AGBL3: variants seen among roughly 807,000 people sequenced by gnomAD.
The protein encoded by AGBL3 is cytosolic carboxypeptidase 3.
In AGBL3, 68 loss-of-function variants were observed where a neutral mutation model predicts 94.5. The observed-to-expected ratio is 0.72, with a 90% confidence interval of 0.59 to 0.88. The LOEUF (loss-of-function observed/expected upper bound fraction) is 0.88. Ranked by LOEUF, AGBL3 falls within the 40% of genes least tolerant of loss-of-function variation. The probability of loss-of-function intolerance (pLI) is 0.00; values close to 1 mark genes in which losing one functional copy is unlikely to be tolerated. For missense variants in AGBL3, 934 were observed against 1,103.8 expected (o/e 0.85, Z 2.18); for synonymous variants, 354 against 370.7 (o/e 0.95, Z 0.52).
chr7:135,065,358 C>T lies in AGBL3; in HGVS notation c.1908+6123C>T, dbSNP rs539807406. On this transcript the variant is annotated intron_variant, in intron 12 of 16. Transcript: ENST00000436302. ...AAATTTGTATAGAACCACAAAAGAG[C>T]CTGAATAGCTAAAGCAAACTTGAGC... Among the ~76,000 whole-genome samples, 4 of 152,212 alleles carry T rather than the reference C, an allele frequency of 2.6e-5. No homozygotes were observed. The East Asian group carries it at 7.7e-4, about 29-fold the overall frequency.
chr7:135,130,125 T>G (rs1562906828), intron 16 of AGBL3, among the ~76,000 whole-genome samples: 1 of 152,092 alleles, frequency 6.6e-6, no homozygotes. Flanking sequence ...GGTAGAAGCC[T>G]TATGAAAATT....
At chr7:134,995,840 T>G (rs1156624131) in intron 4 of AGBL3, among the ~76,000 whole-genome samples, 1 of 152,174 alleles carries the variant, frequency 6.6e-6, no homozygotes, top group Non-Finnish European at 1.5e-5. Flanking sequence ...TTTCAGTCTG[T>G]GCCCCTGAAA....
intron 16 of AGBL3, among the ~76,000 whole-genome samples, chr7:135,118,005 A>T (rs1257376041): frequency 6.6e-6 from 1 of 152,196 alleles, no homozygotes; most frequent in African/African-American, 2.4e-5. Flanking sequence ...TTTCCTGTGG[A>T]GAGAGAAAAG....
intron 11 of AGBL3, among the ~76,000 whole-genome samples, chr7:135,053,172 TAAGA>T (rs1169708624): frequency 1.1e-3 from 174 of 152,304 alleles, no homozygotes; most frequent in Non-Finnish European, 2.3e-3. Flanking sequence ...ATTCTTTGCT[TAAGA>T]AAGCAAGGCC....
chr7:135,051,067 AG>A (rs1485537013), intron 11 of AGBL3: 1 of 438,520 alleles, frequency 2.3e-6, no homozygotes, highest in Admixed American at 2.6e-5. Context: ...GTATAATAAA[AG>A]GTAATGAATA....
chr7:135,096,584 C>CAGATAGATAGATAGATACATAGATAG (rs1822810155), intron 15 of AGBL3, among the ~76,000 whole-genome samples: 9 of 88,860 alleles, frequency 1.0e-4, no homozygotes, highest in African/African-American at 2.7e-4. Flanking sequence ...TAGATAGATA[C>CAGATAGATAGATAGATACATAGATAG]ATAGATAGAT....
At chr7:135,054,511 C>T (rs554749272) in intron 11 of AGBL3, among the ~76,000 whole-genome samples, 23 of 152,002 alleles carry the variant, frequency 1.5e-4, no homozygotes, top group Non-Finnish European at 2.6e-4. Flanking sequence ...CTAGGACAAA[C>T]AATATTTTAC....
At chr7:135,064,986 G>C (rs1213114873) in intron 12 of AGBL3, among the ~76,000 whole-genome samples, 1 of 152,050 alleles carries the variant, frequency 6.6e-6, no homozygotes, top group East Asian at 1.9e-4. Context: ...GCCTTTTCTT[G>C]GTTGGTTCCA....
At chr7:135,085,992 G>A (rs563360332) in intron 15 of AGBL3, among the ~76,000 whole-genome samples, 1 of 151,820 alleles carries the variant, frequency 6.6e-6, no homozygotes, top group South Asian at 2.1e-4. Context: ...ATGTCTATTT[G>A]TATCCTCCTC....
At chr7:135,020,826 G>T (rs945418367) in intron 5 of AGBL3, among the ~76,000 whole-genome samples, 1 of 149,320 alleles carries the variant, frequency 6.7e-6, no homozygotes, top group Non-Finnish European at 1.5e-5. Flanking sequence ...ACCAAACACC[G>T]CATGTTCTCA....
rs190676890 is a variant in AGBL3, at chr7:135,040,203, C to T, written c.1500+2623C>T. On this transcript the variant is annotated intron_variant, in intron 8 of 16. Coordinates refer to ENST00000436302, the MANE Select transcript of AGBL3 (RefSeq NM_178563.4). Reference sequence around the variant, plus strand: ...TCCTGAAAAGCATTTCAAAAAGAAACTCCAGAAAACAAATATCAAGATCCA... The same window carrying T: ...TCCTGAAAAGCATTTCAAAAAGAAATTCCAGAAAACAAATATCAAGATCCA... Among the ~76,000 whole-genome samples the T allele has an allele frequency of 1.3e-4, 20 of 152,236 alleles. 1 individual carries two copies. In the East Asian group the frequency reaches 2.9e-3, roughly 22 times the overall value.
At chr7:135,090,516 G>C (rs1041576653) in intron 15 of AGBL3, among the ~76,000 whole-genome samples, 1 of 152,150 alleles carries the variant, frequency 6.6e-6, no homozygotes, top group African/African-American at 2.4e-5. Flanking sequence ...CCTCCAAGGG[G>C]AAATGTACTG....
At chr7:134,989,963 A>G (rs1810018835) in intron 3 of AGBL3, among the ~76,000 whole-genome samples, 1 of 152,190 alleles carries the variant, frequency 6.6e-6, no homozygotes, top group African/African-American at 2.4e-5. Context: ...AGGCATAGAA[A>G]TTTTATAGTA....
intron 12 of AGBL3, among the ~76,000 whole-genome samples, chr7:135,064,624 G>C (rs1209136634): frequency 1.3e-5 from 2 of 152,192 alleles, no homozygotes; most frequent in Non-Finnish European, 2.9e-5. Context: ...AAGAGAATTT[G>C]CTGATGACAT....
rs182796934 is a variant in AGBL3, at chr7:135,032,537, G to A, written c.419-307G>A. On this transcript the variant is annotated intron_variant, in intron 5 of 16. Transcript: ENST00000436302. Reference sequence around the variant, plus strand: ...TCACCATGTTGCCCAGGGTGGTCTCGAACTCCTCGAGCTCGGGCAATCTGC... The same window carrying A: ...TCACCATGTTGCCCAGGGTGGTCTCAAACTCCTCGAGCTCGGGCAATCTGC... 3.3e-3 allele frequency among the ~76,000 whole-genome samples: 492 copies of A among 149,910 alleles called. 7 individuals are homozygous for A. Among genetic ancestry groups the A allele is most frequent in the Non-Finnish European group, 3.0e-3 (205 of 67,658 alleles).
chr7:135,020,803 G>C (rs867622733), intron 5 of AGBL3, among the ~76,000 whole-genome samples: 1 of 150,968 alleles, frequency 6.6e-6, no homozygotes, highest in Non-Finnish European at 1.5e-5. Context: ...GCAAAGTATC[G>C]CAAGGCCAAA....
chr7:135,085,287 T>G (rs1821247013), intron 15 of AGBL3, among the ~76,000 whole-genome samples: 1 of 152,178 alleles, frequency 6.6e-6, no homozygotes, highest in Admixed American at 6.5e-5. Flanking sequence ...TTTCTCCCAT[T>G]CTGCAGGTTA....
intron 5 of AGBL3, among the ~76,000 whole-genome samples, chr7:135,025,823 C>T (rs1033026157): frequency 2.0e-5 from 3 of 151,486 alleles, no homozygotes; most frequent in African/African-American, 7.2e-5. Context: ...TTTCAATCAA[C>T]AATAATCAAG....
At chr7:135,120,202 G>T (rs191659755) in intron 16 of AGBL3, among the ~76,000 whole-genome samples, 78 of 152,190 alleles carry the variant, frequency 5.1e-4, no homozygotes, top group African/African-American at 1.8e-3. Flanking sequence ...AAAAATACAG[G>T]TAGATATAAA....
Sources: gnomAD v4.1 joint callset for allele counts (sites outside exome capture counted in the v4.1 genomes callset) on GRCh38, gnomAD v4.1.1 for gene constraint, MANE v1.5 for transcripts, NCBI Gene and HGNC (gene_info 2026-07-23, HGNC 2026-07-21) for gene names.